Variants in HACD1 observed in about 807,000 individuals in gnomAD.
HACD1 encodes very-long-chain (3R)-3-hydroxyacyl-CoA dehydratase 1.
A neutral mutation model predicts 32.0 loss-of-function variants in HACD1; 41 were observed. That is an observed-to-expected ratio of 1.28 (90% CI 1.00 to 1.66). The LOEUF (loss-of-function observed/expected upper bound fraction) is 1.66, where lower values mean the gene tolerates loss of function less well. Ranked by LOEUF, HACD1 falls within the 40% of genes most tolerant of loss-of-function variation. HACD1 has a pLI of 0.00. For synonymous variants in HACD1, 142 were observed against 139.0 expected (o/e 1.02, Z -0.15); for missense variants, 396 against 380.1 (o/e 1.04, Z -0.35).
chr10:17,590,518 T>C, intron 6 of HACD1, 72 bp from the exon 7 acceptor site: 1 of 1,146,294 alleles, frequency 8.7e-7, no homozygotes, highest in Non-Finnish European at 1.3e-6. Context: ...ACCTGTTAAA[T>C]GTGGCAATGT....
chr10:17,603,742 T>A lies in HACD1; in HGVS notation c.378A>T (p.Ile126=). The A allele has an allele frequency of 6.3e-7, 1 of 1,597,124 alleles. No homozygotes were observed. The highest frequency in any genetic ancestry group is 8.6e-7 in the Non-Finnish European group (1 of 1,165,744). The change falls in exon 3 of 7, where the codon ATA becomes ATT. Residue 126 remains isoleucine (I), a splice_region_variant and synonymous_variant. Coordinates refer to ENST00000361271, the MANE Select transcript of HACD1 (RefSeq NM_014241.4). ...KFFQTFALLE[I]VHCLIGIVPT... The stretch of plus-strand genomic sequence containing the variant: ...AAAACTCACCAATTAAACAGTGAAC[T>A]ATCTGTAAGCAAATAGAAAAAAATC...
At chr10:17,611,407 A>C (rs1336252953) in intron 1 of HACD1, among the ~76,000 whole-genome samples, 1 of 152,156 alleles carries the variant, frequency 6.6e-6, no homozygotes, top group African/African-American at 2.4e-5. Flanking sequence ...CGCTCAGTTT[A>C]AATGCTGTGA....
chr10:17,611,284 A>G (rs982652782), intron 1 of HACD1, among the ~76,000 whole-genome samples: 1 of 152,144 alleles, frequency 6.6e-6, no homozygotes, highest in Non-Finnish European at 1.5e-5. Flanking sequence ...GGCATGAGCC[A>G]CCGCGCCCGG....
chr10:17,590,465 C>T lies in HACD1; in HGVS notation c.785-19G>A. The T allele has an allele frequency of 6.6e-7, 1 of 1,516,082 alleles. No individual in the cohort carries two copies. Among genetic ancestry groups the T allele is most frequent in the South Asian group, 1.2e-5 (1 of 84,008 alleles). The allele number at this position is 1,516,082 out of a possible 1,614,324, so 93.9% of individuals were successfully genotyped here. On this transcript the variant is annotated intron_variant, in intron 6 of 6. Coordinates refer to ENST00000361271, the MANE Select transcript of HACD1 (RefSeq NM_014241.4). ...GGAAACACTTCATTGAAAAAGAAAA[C>T]AAAGAAAAACAAGCTATTGCTTTAA...
intron 6 of HACD1, among the ~76,000 whole-genome samples, chr10:17,593,076 C>A (rs543108527): frequency 6.6e-6 from 1 of 151,928 alleles, no homozygotes; most frequent in Non-Finnish European, 1.5e-5. Flanking sequence ...GTGGCAGGCG[C>A]TTGTAATCCC....
Position 17,590,238 on chromosome 10 carries a change from T to C in HACD1, c.*126A>G, listed in dbSNP as rs1833911789. ...CAAATACTGGCAAATACCACGTGTC[T>C]CAAGTTATATTTTAAGAAACCATAC... On this transcript the variant is annotated 3_prime_UTR_variant, in exon 7 of 7. Transcript: ENST00000361271. The C allele has an allele frequency of 2.0e-5, 13 of 647,690 alleles. No homozygotes were observed. 40.1% of individuals were successfully genotyped at this position (647,690 alleles called of 1,614,324 possible). A position where few individuals can be genotyped will look rare whatever the true frequency, so the allele number is the denominator to read the frequency against.
intron 5 of HACD1, among the ~76,000 whole-genome samples, chr10:17,595,747 A>G (rs1466349535): frequency 1.3e-5 from 2 of 152,114 alleles, no homozygotes; most frequent in Admixed American, 1.3e-4. Flanking sequence ...CAGTCACTAT[A>G]TAACAGTTAC....
intron 1 of HACD1, among the ~76,000 whole-genome samples, chr10:17,609,263 C>T (rs1425407113): frequency 6.6e-6 from 1 of 151,364 alleles, no homozygotes; most frequent in Non-Finnish European, 1.5e-5. Flanking sequence ...ATACCATTCT[C>T]CTGCCTCAGC....
At chr10:17,615,336 C>T (rs1346388823) in intron 1 of HACD1, 1 of 152,176 alleles carries the variant, frequency 6.6e-6, no homozygotes, top group Non-Finnish European at 1.5e-5. Context: ...ATCATGTGCC[C>T]CTCACAGGAC....
chr10:17,595,231 C>T (rs1362986627), intron 5 of HACD1, among the ~76,000 whole-genome samples: 2 of 152,012 alleles, frequency 1.3e-5, no homozygotes, highest in Non-Finnish European at 2.9e-5. Flanking sequence ...TGCTTTTGTC[C>T]GCGGCAGCTA....
chr10:17,603,198 A>G (rs1399479954), intron 4 of HACD1: 1 of 175,984 alleles, frequency 5.7e-6, no homozygotes, highest in Non-Finnish European at 1.2e-5. Flanking sequence ...AGAAATAATA[A>G]ATTGTATACT....
At chr10:17,610,652 A>G (rs187682666) in intron 1 of HACD1, among the ~76,000 whole-genome samples, 206 of 152,230 alleles carry the variant, frequency 1.4e-3, no homozygotes, top group Non-Finnish European at 2.5e-3. Context: ...AAAAAGTACA[A>G]TTTTAAATAA....
chr10:17,601,031 T>G (rs886598182), intron 4 of HACD1, among the ~76,000 whole-genome samples: 1 of 151,228 alleles, frequency 6.6e-6, no homozygotes, highest in Non-Finnish European at 1.5e-5. Flanking sequence ...TGGGATTGCC[T>G]TGTTCTTTTT....
At chr10:17,595,990 A>C (rs782673717) in intron 5 of HACD1, among the ~76,000 whole-genome samples, 10 of 152,332 alleles carry the variant, frequency 6.6e-5, no homozygotes, top group Admixed American at 1.3e-4. Flanking sequence ...TGTCTCAAAA[A>C]AAATAAATTT....
chr10:17,617,363 G>A lies in HACD1; in HGVS notation c.-24C>T, dbSNP rs1554818313. 7.5e-7 allele frequency: 1 copy of A among 1,338,828 alleles called. No individual in the cohort carries two copies. The highest frequency in any genetic ancestry group is 9.5e-7 in the Non-Finnish European group (1 of 1,050,046). 82.9% of individuals were successfully genotyped at this position (1,338,828 alleles called of 1,614,324 possible). A position where few individuals can be genotyped will look rare whatever the true frequency, so the allele number is the denominator to read the frequency against. On this transcript the variant is annotated 5_prime_UTR_variant, in exon 1 of 7. Transcript: ENST00000361271. ...ATGTGCAGCGCGCAGGGGGCTCGGCGCAGCCAGCTCTACCGACCGCGAGGG... is the reference window on the plus strand; with the variant it reads ...ATGTGCAGCGCGCAGGGGGCTCGGCACAGCCAGCTCTACCGACCGCGAGGG...
chr10:17,599,473 CT>C (rs1554816317), intron 4 of HACD1, 62 bp from the exon 5 acceptor site: 54 of 1,538,194 alleles, frequency 3.5e-5, no homozygotes, highest in Non-Finnish European at 4.5e-5. Context: ...AGTGAAGGTA[CT>C]TACTTTACTT....
At chr10:17,617,043 G>A in intron 1 of HACD1, 40 bp downstream of exon 1, 1 of 1,380,712 alleles carries the variant, frequency 7.2e-7, no homozygotes, top group Non-Finnish European at 9.3e-7. Context: ...CGCGGACCGC[G>A]GCGCGGGGAG....
chr10:17,592,577 A>G (rs1233041374), intron 6 of HACD1, among the ~76,000 whole-genome samples: 5 of 152,052 alleles, frequency 3.3e-5, no homozygotes, highest in African/African-American at 7.2e-5. Flanking sequence ...CAGAGTCTAC[A>G]TCTCCCAGGA....
At chr10:17,604,376 C>T (rs541524320) in intron 1 of HACD1, among the ~76,000 whole-genome samples, 103 of 150,732 alleles carry the variant, frequency 6.8e-4, no homozygotes, top group African/African-American at 2.4e-3. Flanking sequence ...CCCAGCTACT[C>T]AGGAGGCTGA....
Sources: gnomAD v4.1 joint callset for allele counts (sites outside exome capture counted in the v4.1 genomes callset) on GRCh38, gnomAD v4.1.1 for gene constraint, MANE v1.5 for transcripts, NCBI Gene and HGNC (gene_info 2026-07-23, HGNC 2026-07-21) for gene names.